CFAP74: variants seen among roughly 807,000 people sequenced by gnomAD.
The protein encoded by CFAP74 is cilia- and flagella-associated protein 74.
Under a neutral mutation model 188.9 loss-of-function variants are expected in CFAP74, and 124 were observed. The observed-to-expected ratio is 0.66, with a 90% CI of 0.57 to 0.76. The LOEUF (loss-of-function observed/expected upper bound fraction) is 0.76, where lower values mean the gene tolerates loss of function less well. Ranked by LOEUF, CFAP74 falls within the 30% of genes least tolerant of loss-of-function variation. CFAP74 has a pLI of 0.00. For missense variants in CFAP74, 2,198 were observed against 2,165.2 expected (o/e 1.02, Z -0.30); for synonymous variants, 956 against 916.7 (o/e 1.04, Z -0.77).
chr1:1,966,384 T>C lies in CFAP74; in HGVS notation c.1388A>G (p.Tyr463Cys), dbSNP rs1488516521. The C allele has an allele frequency of 6.3e-6, 10 of 1,576,576 alleles. No individual in the cohort carries two copies. Among genetic ancestry groups the C allele is most frequent in the Non-Finnish European group, 7.8e-6 (9 of 1,159,458 alleles). ...AGGAGCTGATACCTGGTATGGCTTG[T>C]AGTCTTCATTCCAAAGCCCAGAGAT... ...PEISGLWNED[Y>C]KPYQVPKEDV... The change falls in exon 12 of 39, where the codon TAC becomes TGC. Residue 463 changes from tyrosine to cysteine, a missense_variant. Coordinates refer to ENST00000682832, the MANE Select transcript of CFAP74 (RefSeq NM_001304360.2).
intron 17 of CFAP74, 44 bp downstream of exon 17, chr1:1,956,573 TGGG>T (rs777637830): frequency 1.2e-6 from 2 of 1,608,972 alleles, no homozygotes; most frequent in Admixed American, 1.7e-5. Context: ...GGACTGGATT[TGGG>T]GGGCAGGTCC....
chr1:1,927,986 C>T (rs896080137), intron 27 of CFAP74: 3 of 537,958 alleles, frequency 5.6e-6, no homozygotes, highest in South Asian at 2.1e-5. Flanking sequence ...AACCGAGGCA[C>T]GGAGTGAGGA....
chr1:1,947,683 G>A (rs994237220), intron 18 of CFAP74, among the ~76,000 whole-genome samples: 2 of 152,242 alleles, frequency 1.3e-5, no homozygotes, highest in South Asian at 2.1e-4. Context: ...CTGTCGTGCT[G>A]CCCGGTCGGG....
In CFAP74 at chr1:1,927,674, G is replaced by A. The variant is rs556932137; in HGVS notation, c.3460C>T (p.Arg1154Cys). 9 of 1,550,158 alleles carry A rather than the reference G, an allele frequency of 5.8e-6. No homozygotes were observed. The highest frequency in any genetic ancestry group is 2.7e-5 in the African/African-American group (2 of 73,178). ...LSFSVLRAQN[R>C]DKLFKVSVPH... The stretch of plus-strand genomic sequence containing the variant: ...ACAGAGACTTTGAACAGCTTGTCGC[G>A]GTTCTGTGCTCGAAGAACGGAGAAT... The change falls in exon 28 of 39, where the codon CGC becomes TGC. Residue 1154 changes from arginine to cysteine, a missense_variant. Transcript: ENST00000682832.
intron 18 of CFAP74, 152 bp downstream of exon 18, chr1:1,955,539 G>T: frequency 6.2e-7 from 1 of 1,610,690 alleles, no homozygotes; most frequent in Non-Finnish European, 8.5e-7. Context: ...TGGCACATAA[G>T]AATATTTTCT....
rs1048913382 is a variant in CFAP74, at chr1:1,923,212, A to G, written c.4523-67T>C. 6.6e-7 allele frequency: 1 copy of G among 1,517,654 alleles called. No homozygotes were observed. Among genetic ancestry groups the G allele is most frequent in the South Asian group, 1.2e-5 (1 of 81,300 alleles). The allele number at this position is 1,517,654 out of a possible 1,614,324, so 94.0% of individuals were successfully genotyped here. ...AGGCATGGGGTGAGGCTGCAGCTGG[A>G]CTCCTGAACTCTGGTTAGCAGTGGC... is the stretch of plus-strand genomic sequence containing the variant. On this transcript the variant is annotated intron_variant, in intron 36 of 38. Transcript: ENST00000682832. The surrounding 1 kb of genome is among the most constrained non-coding windows in gnomAD (Gnocchi z 6.3).
intron 21 of CFAP74, 43 bp downstream of exon 21, chr1:1,944,288 T>C: frequency 1.3e-6 from 2 of 1,517,756 alleles, no homozygotes; most frequent in South Asian, 2.4e-5. Flanking sequence ...GCTCACCCCG[T>C]GTGCGTGGGT....
intron 8 of CFAP74, among the ~76,000 whole-genome samples, 197 bp from the exon 9 acceptor site, chr1:1,972,279 C>T (rs936266932): frequency 2.0e-5 from 3 of 152,202 alleles, no homozygotes; most frequent in Non-Finnish European, 4.4e-5. Flanking sequence ...ACAGCGATGC[C>T]GTGTGGGGTG....
chr1:1,950,302 T>C (rs188529709), intron 18 of CFAP74, among the ~76,000 whole-genome samples: 2 of 152,286 alleles, frequency 1.3e-5, no homozygotes, highest in East Asian at 3.9e-4. Flanking sequence ...CGTACGTATC[T>C]TCTCTGGTGA....
chr1:1,932,838 C>T (rs868117476), intron 25 of CFAP74, among the ~76,000 whole-genome samples: 18 of 151,122 alleles, frequency 1.2e-4, no homozygotes, highest in South Asian at 2.1e-4. Context: ...GTGATCTGCC[C>T]GCCTCGGCCT....
intron 1 of CFAP74, among the ~76,000 whole-genome samples, 176 bp downstream of exon 1, chr1:2,003,525 T>C (rs1658303420): frequency 6.6e-6 from 1 of 152,204 alleles, no homozygotes; most frequent in Non-Finnish European, 1.5e-5. Context: ...ACAGAGGCTG[T>C]GCCAGCGCCG....
rs373128034 is a variant in CFAP74, at chr1:1,985,433, G to A, written c.453C>T (p.Asn151=). The A allele has an allele frequency of 2.0e-5, 32 of 1,613,980 alleles. No individual in the cohort carries two copies. The highest frequency in any genetic ancestry group is 3.3e-4 in the Middle Eastern group (2 of 6,084). ...VSRRLFAELE[N]ERDLQSRTEA... The stretch of plus-strand genomic sequence containing the variant: ...CAGTCCTCGACTGCAGGTCTCTCTC[G>A]TTCTCCAGCTCTGCAAACAGGCGTC... The change falls in exon 6 of 39, where the codon AAC becomes AAT. Residue 151 remains asparagine (N), a synonymous_variant. Coordinates refer to ENST00000682832, the MANE Select transcript of CFAP74 (RefSeq NM_001304360.2).
intron 18 of CFAP74, among the ~76,000 whole-genome samples, chr1:1,948,926 T>C (rs79707012): frequency 0.018 from 223 of 12,220 alleles, 11 homozygotes; most frequent in East Asian, 0.045. Context: ...CTTTCCTTCC[T>C]TCCTCTTTCC....
chr1:1,973,155 C>T lies in CFAP74; in HGVS notation c.675-108G>A, dbSNP rs1035897245. On this transcript the variant is annotated intron_variant, in intron 7 of 38. Transcript: ENST00000682832. This position sits in a 1 kb window ranked among gnomAD's most constrained non-coding sequence, Gnocchi z 6.2. Reference sequence around the variant, plus strand: ...GTCCCAGAGACGCCGTGGGCCCTTTCGCTCAGCTCTGTCCCGCACAGCCTC... The same window carrying T: ...GTCCCAGAGACGCCGTGGGCCCTTTTGCTCAGCTCTGTCCCGCACAGCCTC... 9 of 759,250 alleles carry T rather than the reference C, an allele frequency of 1.2e-5. No homozygotes were observed. The highest frequency in any genetic ancestry group is 5.3e-5 in the African/African-American group (3 of 56,764). 47.0% of individuals were successfully genotyped at this position (759,250 alleles called of 1,614,324 possible).
chr1:1,992,753 C>T (rs548954068), intron 1 of CFAP74, among the ~76,000 whole-genome samples: 12 of 151,978 alleles, frequency 7.9e-5, no homozygotes, highest in East Asian at 2.0e-4. Flanking sequence ...GGATTACAGG[C>T]GTGAGCCACC....
rs1656195583 is a variant in CFAP74 at position 1,972,975 on chromosome 1, G to A, written c.747C>T (p.His249=). The stretch of plus-strand genomic sequence containing the variant: ...CCTTCAGGAACCGCACGGCAACCTT[G>A]TGGTTCTTCCGGGCGTCCTCCAGCA... ...QKLLEDARKN[H]KVAVRFLKAS... Residue 249 remains histidine, a synonymous_variant, in exon 8 of 39, where the codon CAC becomes CAT. Coordinates refer to ENST00000682832, the MANE Select transcript of CFAP74 (RefSeq NM_001304360.2). 1 of 1,613,890 alleles carries A rather than the reference G, an allele frequency of 6.2e-7. No homozygotes were observed. Among genetic ancestry groups the A allele is most frequent in the Admixed American group, 1.7e-5 (1 of 60,006 alleles).
At chr1:1,955,373 G>A in intron 18 of CFAP74, 3 of 1,358,798 alleles carry the variant, frequency 2.2e-6, no homozygotes, top group Non-Finnish European at 2.9e-6. Context: ...GCCCCCCGCA[G>A]CCCGGCCCCT....
At position 1,985,518 on chromosome 1, in the gene CFAP74, G is replaced by A. The variant is rs762866763; in HGVS notation, c.396-28C>T. 72 of 1,569,136 alleles carry A rather than the reference G, an allele frequency of 4.6e-5. No individual in the cohort carries two copies. In the East Asian group the frequency reaches 1.3e-3, roughly 29 times the overall value. On this transcript the variant is annotated intron_variant, in intron 5 of 38. Coordinates refer to ENST00000682832, the MANE Select transcript of CFAP74 (RefSeq NM_001304360.2). ...GCAGTGGTGAACGGACAGGCCGGGC[G>A]TGTGTCAGGCCTCAGTCATCCAGGG...
intron 1 of CFAP74, among the ~76,000 whole-genome samples, chr1:1,995,886 C>T (rs1255146144): frequency 1.5e-4 from 23 of 151,888 alleles, no homozygotes; most frequent in Admixed American, 1.1e-3. Context: ...CCAGCCTGGG[C>T]GACAGAGCGA....
Sources: gnomAD v4.1 joint callset for allele counts (sites outside exome capture counted in the v4.1 genomes callset) on GRCh38, gnomAD v4.1.1 for gene constraint, Gnocchi (gnomAD v3.1) non-coding constraint, MANE v1.5 for transcripts, NCBI Gene and HGNC (gene_info 2026-07-23, HGNC 2026-07-21) for gene names.